Variants in CR1 observed in about 807,000 individuals in gnomAD.
CR1 encodes complement receptor type 1.
In CR1, 116 loss-of-function variants were observed where a neutral mutation model predicts 187.3. The observed-to-expected ratio is 0.62, with a 90% CI of 0.53 to 0.72. The LOEUF is 0.72. Among genes scored for constraint, CR1 ranks in the 30% least tolerant of loss-of-function variants. The pLI, the probability that CR1 is intolerant of heterozygous loss-of-function variation, is 0.00. For synonymous variants in CR1, 576 were observed against 747.1 expected, an observed-to-expected ratio of 0.77 and a Z score of 3.73; for missense variants, 1,731 against 2,110.7, an observed-to-expected ratio of 0.82 and a Z score of 3.52.
intron 41 of CR1, among the ~76,000 whole-genome samples, chr1:207,617,507 A>ATATATATATGTG (rs1332301171): frequency 1.5e-3 from 72 of 47,028 alleles, no homozygotes; most frequent in East Asian, 7.8e-3. Context: ...ATATATATAT[A>ATATATATATGTG]TGTGTGTGTG....
Position 207,611,754 on chromosome 1 carries a change from G to T in CR1, c.6373G>T (p.Val2125Leu), listed in dbSNP as rs202148801. ...HQDNFSPGQE[V>L]FYSCEPSYDL... ...GGACAACTTTTCACCTGGGCAGGAAGTGTTCTACAGCTGTGAGCCCAGCTA... is the reference window on the plus strand; with the variant it reads ...GGACAACTTTTCACCTGGGCAGGAATTGTTCTACAGCTGTGAGCCCAGCTA... Residue 2125 changes from valine (V) to leucine (L), a missense_variant, in exon 38 of 47, where the codon GTG (valine) becomes TTG (leucine). Physicochemically the swap from Val to Leu is conservative, Grantham distance 32. Around this residue, in one of 5 missense-constraint regions of CR1, gnomAD observed 1,312 missense variants for 1,379.6 expected, o/e 0.95. Coordinates refer to ENST00000367049, the MANE Select transcript of CR1 (RefSeq NM_000651.6). 2.6e-3 allele frequency: 4,159 copies of T among 1,613,976 alleles called. 6 individuals are homozygous for T. Among genetic ancestry groups the T allele is most frequent in the Non-Finnish European group, 3.2e-3 (3,787 of 1,179,880 alleles).
At position 207,523,626 on chromosome 1, in the gene CR1, T is replaced by C. The variant is rs1436871849; in HGVS notation, c.503T>C (p.Leu168Pro). The C allele has an allele frequency of 6.2e-7, 1 of 1,613,974 alleles. No homozygotes were observed. Among genetic ancestry groups the C allele is most frequent in the Admixed American group, 1.7e-5 (1 of 60,028 alleles). ...TPICDRIPCG[L>P]PPTITNGDFI... ...CTTTTTCCAGGAATTCCTTGTGGGC[T>C]ACCCCCCACCATCACCAATGGAGAT... Residue 168 changes from leucine to proline, a missense_variant, in exon 5 of 47, where the codon CTA becomes CCA. By Grantham distance (98) the Leu-to-Pro change is moderately conservative. Coordinates refer to ENST00000367049, the MANE Select transcript of CR1 (RefSeq NM_000651.6).
chr1:207,619,376 C>CAAAAAA (rs67078800), intron 42 of CR1, among the ~76,000 whole-genome samples: 48 of 92,496 alleles, frequency 5.2e-4, no homozygotes, highest in Non-Finnish European at 8.1e-4. Context: ...CAGTGAGACT[C>CAAAAAA]AAAAAAAAAA....
At chr1:207,505,590 C>G (rs1018284936) in intron 1 of CR1, among the ~76,000 whole-genome samples, 4 of 152,088 alleles carry the variant, frequency 2.6e-5, no homozygotes, top group African/African-American at 9.7e-5. Flanking sequence ...AATCCCAACA[C>G]TTTGGGAGGC....
intron 33 of CR1, among the ~76,000 whole-genome samples, chr1:207,586,953 G>T (rs1209684137): frequency 6.6e-6 from 1 of 152,188 alleles, no homozygotes; most frequent in Non-Finnish European, 1.5e-5. Context: ...AGGGGTACCT[G>T]CTATGAAAGG....
intron 46 of CR1, among the ~76,000 whole-genome samples, chr1:207,633,281 A>G (rs183422660): frequency 4.3e-4 from 65 of 152,326 alleles, no homozygotes; most frequent in Admixed American, 1.9e-3. Flanking sequence ...TAACAGTAAT[A>G]TCTCATCATT....
In CR1 at chr1:207,630,581, G is replaced by C. The variant is rs199592524; in HGVS notation, c.7417G>C (p.Val2473Leu). ...TTTACATTCTCAAGGAGGCAGCAGC[G>C]TTCATCCCCGAACTCTGCAAACAAA... Reference protein sequence around the residue: ...IHLHSQGGSSVHPRTLQTNEE... With the variant: ...IHLHSQGGSSLHPRTLQTNEE... The change falls in exon 46 of 47, where the codon GTT (valine) becomes CTT (leucine). Residue 2473 changes from valine to leucine, a missense_variant. Val to Leu is a conservative substitution (Grantham distance 32). This residue lies in a region of CR1 where 1,312 missense variants were observed against 1,379.6 expected (regional missense o/e 0.95). Transcript: ENST00000367049. The C allele has an allele frequency of 1.2e-6, 2 of 1,610,854 alleles. No individual in the cohort carries two copies. Among genetic ancestry groups the C allele is most frequent in the South Asian group, 2.2e-5 (2 of 90,134 alleles).
At chr1:207,588,385 G>A (rs1430054263) in intron 34 of CR1, among the ~76,000 whole-genome samples, 2 of 152,176 alleles carry the variant, frequency 1.3e-5, no homozygotes, top group African/African-American at 4.8e-5. Context: ...TGGCCAGGCT[G>A]GTCTTGAACT....
Position 207,581,915 on chromosome 1 carries a change from T to C in CR1, c.5217-3T>C, listed in dbSNP as rs962896448. The C allele has an allele frequency of 3.1e-6, 5 of 1,611,196 alleles. No homozygotes were observed. In the South Asian group the frequency reaches 4.4e-5, roughly 14 times the overall value. ...ATCCAGCCACTACTGCTTTGTTCTTTAGGTTTCGCTTAAAGGGCAGTTCCG... is the reference window on the plus strand; with the variant it reads ...ATCCAGCCACTACTGCTTTGTTCTTCAGGTTTCGCTTAAAGGGCAGTTCCG... On this transcript the variant is annotated splice_polypyrimidine_tract_variant and splice_region_variant and intron_variant, in intron 31 of 46. Coordinates refer to ENST00000367049, the MANE Select transcript of CR1 (RefSeq NM_000651.6).
chr1:207,498,888 A>AAAAAAG (rs1351286621), intron 1 of CR1, among the ~76,000 whole-genome samples: 3 of 147,062 alleles, frequency 2.0e-5, no homozygotes, highest in Non-Finnish European at 4.5e-5. Flanking sequence ...AAAAAAAAAA[A>AAAAAAG]AAAAAGAAAC....
At chr1:207,521,225 C>A (rs1571515984) in intron 4 of CR1, among the ~76,000 whole-genome samples, 1 of 152,054 alleles carries the variant, frequency 6.6e-6, no homozygotes, top group African/African-American at 2.4e-5. Context: ...GATCTGCCCA[C>A]CTCGGCCTCC....
At chr1:207,598,086 AG>A (rs1268077582) in intron 35 of CR1, among the ~76,000 whole-genome samples, 7 of 152,252 alleles carry the variant, frequency 4.6e-5, no homozygotes, top group Non-Finnish European at 1.0e-4. Flanking sequence ...AACCAGTGGA[AG>A]GAGAGAATAG....
chr1:207,564,307 G>A, intron 23 of CR1, 73 bp downstream of exon 23: 2 of 1,589,926 alleles, frequency 1.3e-6, no homozygotes, highest in Non-Finnish European at 1.7e-6. Context: ...GGGGAGATTT[G>A]GTGTGGCTTA....
rs773678935 is a variant in CR1 at position 207,611,738 on chromosome 1, T to C, written c.6357T>C (p.Phe2119=). The change falls in exon 38 of 47, where the codon TTT becomes TTC. Residue 2119 remains phenylalanine, a synonymous_variant. Coordinates refer to ENST00000367049, the MANE Select transcript of CR1 (RefSeq NM_000651.6). ...GEHTLSHQDN[F]SPGQEVFYSC... ...ATACCCTAAGCCATCAGGACAACTTTTCACCTGGGCAGGAAGTGTTCTACA... is the reference window on the plus strand; with the variant it reads ...ATACCCTAAGCCATCAGGACAACTTCTCACCTGGGCAGGAAGTGTTCTACA... 4 of 1,613,800 alleles carry C rather than the reference T, an allele frequency of 2.5e-6. No individual in the cohort carries two copies. The African/African-American group carries it at 5.3e-5, about 22-fold the overall frequency.
intron 3 of CR1, chr1:207,507,611 T>C (rs1420165605): frequency 1.3e-5 from 2 of 152,170 alleles, no homozygotes; most frequent in Non-Finnish European, 2.9e-5. Flanking sequence ...TAATAAGCAC[T>C]GGGGATTAAG....
In CR1 at chr1:207,597,804, G is replaced by A. The variant is rs144874722; in HGVS notation, c.5810+9030G>A. ...AGCAGATGCTCAAATACCAATGTCC[G>A]TAGCAGCTTTGTTCAAAATAGCCAA... On this transcript the variant is annotated intron_variant, in intron 35 of 46. Transcript: ENST00000367049. Among the ~76,000 whole-genome samples, 418 of 152,260 alleles carry A rather than the reference G, an allele frequency of 2.7e-3. 2 individuals are homozygous for A. Among genetic ancestry groups the A allele is most frequent in the East Asian group, 7.7e-3 (40 of 5,182 alleles).
chr1:207,599,699 A>C (rs12045023), intron 35 of CR1, among the ~76,000 whole-genome samples: 1 of 152,358 alleles, frequency 6.6e-6, no homozygotes, highest in East Asian at 1.9e-4. Context: ...TTGTGATGTC[A>C]ACAGAAAAAA....
chr1:207,574,548 G>T lies in CR1; in HGVS notation c.4452-1047G>T, dbSNP rs116994542. Among the ~76,000 whole-genome samples, 42 of 151,898 alleles carry T rather than the reference G, an allele frequency of 2.8e-4. No homozygotes were observed. In the East Asian group the frequency reaches 7.0e-3, roughly 25 times the overall value. On this transcript the variant is annotated intron_variant, in intron 27 of 46. Coordinates refer to ENST00000367049, the MANE Select transcript of CR1 (RefSeq NM_000651.6). ...GGAAATCTCAATGAGATAGGATATTGGTAAAAAGAAAAAACAACAATAAAA... is the reference window on the plus strand; with the variant it reads ...GGAAATCTCAATGAGATAGGATATTTGTAAAAAGAAAAAACAACAATAAAA...
At chr1:207,602,591 A>G (rs1442637508) in intron 35 of CR1, among the ~76,000 whole-genome samples, 1 of 152,134 alleles carries the variant, frequency 6.6e-6, no homozygotes, top group Admixed American at 6.6e-5. Context: ...ATATAATTAA[A>G]GTTCAAAGGA....
Sources: allele counts gnomAD v4.1 joint callset (sites outside exome capture counted in the v4.1 genomes callset), GRCh38; gene constraint gnomAD v4.1.1; regional missense constraint gnomAD v4.1.1; transcripts MANE v1.5; gene names NCBI Gene and HGNC (gene_info 2026-07-23, HGNC 2026-07-21).